Variants in ATAD5 observed in about 807,000 individuals in gnomAD.
ATAD5 encodes ATPase family AAA domain containing 5.
In ATAD5, 58 loss-of-function variants were observed where a neutral mutation model predicts 176.9. That is an observed-to-expected ratio of 0.33 (90% confidence interval 0.27 to 0.41). ATAD5 has a LOEUF of 0.41. ATAD5 is among the 10% of genes least tolerant of loss of function. The pLI is 1.00. For synonymous variants in ATAD5, 640 were observed against 712.6 expected, an observed-to-expected ratio of 0.90 and a Z score of 1.62; for missense variants, 1,789 against 2,094.1, an observed-to-expected ratio of 0.85 and a Z score of 2.84.
At chr17:30,854,265 A>G (rs1907157082) in intron 6 of ATAD5, among the ~76,000 whole-genome samples, 1 of 147,376 alleles carries the variant, frequency 6.8e-6, no homozygotes, top group African/African-American at 2.5e-5. Flanking sequence ...ATATTTAAGC[A>G]TTTTATATTA....
At position 30,893,990 on chromosome 17, in the gene ATAD5, G is replaced by A. The variant is rs1909778149; in HGVS notation, c.5137G>A (p.Glu1713Lys). The change falls in exon 21 of 23, where the codon GAA becomes AAA. Residue 1713 changes from glutamate (E) to lysine (K), a missense_variant. Transcript: ENST00000321990. ...QSSGELKAAA[E>K]ALSFTKCSSA... Reference sequence around the variant, plus strand: ...CTCTGGAGAATTAAAGGCAGCTGCAGAAGCTCTCAGCTTTACTAAATGTTC... The same window carrying A: ...CTCTGGAGAATTAAAGGCAGCTGCAAAAGCTCTCAGCTTTACTAAATGTTC... 6.2e-7 allele frequency: 1 copy of A among 1,613,870 alleles called. No homozygotes were observed. Among genetic ancestry groups the A allele is most frequent in the African/African-American group, 1.3e-5 (1 of 74,940 alleles).
At chr17:30,861,718 T>C (rs899583382) in intron 10 of ATAD5, 4 of 151,686 alleles carry the variant, frequency 2.6e-5, no homozygotes, top group African/African-American at 9.7e-5. Flanking sequence ...CACTGTGTGG[T>C]CCGGGCAGGT....
At chr17:30,892,909 T>A (rs987766327) in intron 20 of ATAD5, 121 bp downstream of exon 20, 18 of 864,344 alleles carry the variant, frequency 2.1e-5, no homozygotes, top group African/African-American at 1.7e-5. Context: ...GTATAAGCCT[T>A]AGGTCTCTGA....
intron 17 of ATAD5, among the ~76,000 whole-genome samples, chr17:30,878,718 G>GGTTTTTTTT (rs1908812554): frequency 1.8e-5 from 1 of 56,838 alleles, no homozygotes; most frequent in African/African-American, 6.6e-5. Flanking sequence ...GTTAGGTGGT[G>GGTTTTTTTT]TTTTTTTTTT....
rs779313103 is a variant in ATAD5 at position 30,887,249 on chromosome 17, G to A, written c.4135G>A (p.Val1379Ile). 5 of 1,606,878 alleles carry A rather than the reference G, an allele frequency of 3.1e-6. No individual in the cohort carries two copies. The Admixed American group carries it at 8.6e-5, about 28-fold the overall frequency. Residue 1379 changes from valine to isoleucine, a missense_variant, in exon 19 of 23, where the codon GTA (valine) becomes ATA (isoleucine). Around this residue, in one of 6 missense-constraint regions of ATAD5, gnomAD observed 194 missense variants for 270.1 expected, o/e 0.72. Coordinates refer to ENST00000321990, the MANE Select transcript of ATAD5 (RefSeq NM_024857.5). Reference protein sequence around the residue: ...ICLTENFRTDVKDFVTLLTAN... With the variant: ...ICLTENFRTDIKDFVTLLTAN... The stretch of plus-strand genomic sequence containing the variant: ...CTTAACTGAGAATTTTAGAACTGAT[G>A]TAAAAGACTTTGTAACCTTGTTAAC...
At chr17:30,843,266 G>A (rs1597956350) in intron 4 of ATAD5, among the ~76,000 whole-genome samples, 1 of 151,852 alleles carries the variant, frequency 6.6e-6, no homozygotes, top group Non-Finnish European at 1.5e-5. Context: ...GTGGGAGGAT[G>A]GCTTGAGGTC....
chr17:30,869,183 G>A (rs1908193416), intron 12 of ATAD5, 65 bp from the exon 13 acceptor site: 1 of 1,527,046 alleles, frequency 6.5e-7, no homozygotes, highest in African/African-American at 1.4e-5. Flanking sequence ...TGATCACTGG[G>A]TTTCATAAGG....
At chr17:30,855,348 T>C (rs745736158) in intron 7 of ATAD5, 21 bp downstream of exon 7, 2 of 1,564,280 alleles carry the variant, frequency 1.3e-6, no homozygotes, top group Non-Finnish European at 1.7e-6. Flanking sequence ...TTTTTATTAT[T>C]GAATATTTAC....
chr17:30,876,481 A>G lies in ATAD5; in HGVS notation c.3715A>G (p.Asn1239Asp). The G allele has an allele frequency of 6.2e-7, 1 of 1,606,980 alleles. No individual in the cohort carries two copies. The highest frequency in any genetic ancestry group is 8.5e-7 in the Non-Finnish European group (1 of 1,174,560). ...KRALPPKTLA[N>D]YFKVSPKPKN... ...AGCACTTCCTCCCAAAACCTTGGCA[A>G]ATTATTTTAAAGTATCTCCCAAACC... Residue 1239 changes from asparagine (N) to aspartate (D), a missense_variant, in exon 15 of 23, where the codon AAT becomes GAT. Asn to Asp is a conservative substitution (Grantham distance 23). This residue lies in a region of ATAD5 where 194 missense variants were observed against 270.1 expected (regional missense o/e 0.72). Transcript: ENST00000321990.
At chr17:30,865,476 C>CT (rs1461910806) in intron 10 of ATAD5, among the ~76,000 whole-genome samples, 1 of 151,914 alleles carries the variant, frequency 6.6e-6, no homozygotes. Context: ...CTGGCTAACA[C>CT]TTTAATATTT....
At chr17:30,859,457 T>C (rs1907483253) in intron 9 of ATAD5, among the ~76,000 whole-genome samples, 1 of 152,108 alleles carries the variant, frequency 6.6e-6, no homozygotes, top group Admixed American at 6.6e-5. Context: ...CCTCCCAGAT[T>C]TGAGTGATTC....
chr17:30,893,889 G>A lies in ATAD5; in HGVS notation c.5036G>A (p.Trp1679Ter). The change falls in exon 21 of 23, where the codon TGG becomes TAG. Residue 1679 changes from tryptophan to a stop codon, truncating the protein, a stop_gained. Transcript: ENST00000321990. LOFTEE classifies it high-confidence loss of function. ...QNKYGRNDFS[W>*]TNGKVTSGLC... ...AAATACGGTAGAAATGACTTTAGTTGGACAAATGGAAAGGTTACAAGTGGA... is the reference window on the plus strand; with the variant it reads ...AAATACGGTAGAAATGACTTTAGTTAGACAAATGGAAAGGTTACAAGTGGA... 3 of 1,613,960 alleles carry A rather than the reference G, an allele frequency of 1.9e-6. No individual in the cohort carries two copies. The highest frequency in any genetic ancestry group is 2.5e-6 in the Non-Finnish European group (3 of 1,179,914).
At chr17:30,851,709 A>G (rs912731629) in intron 6 of ATAD5, among the ~76,000 whole-genome samples, 1 of 152,002 alleles carries the variant, frequency 6.6e-6, no homozygotes, top group Non-Finnish European at 1.5e-5. Context: ...TAGCCTCCCA[A>G]GTAGCTGGGA....
intron 6 of ATAD5, among the ~76,000 whole-genome samples, chr17:30,849,463 A>G (rs11080135): frequency 0.1 from 15,969 of 152,186 alleles, 951 homozygotes; most frequent in South Asian, 0.24. Flanking sequence ...TTGTGTGGAT[A>G]TACATCTTCA....
intron 4 of ATAD5, among the ~76,000 whole-genome samples, chr17:30,843,451 A>T (rs1906257348): frequency 6.6e-6 from 1 of 151,998 alleles, no homozygotes; most frequent in African/African-American, 2.4e-5. Flanking sequence ...GGAGTTCGAG[A>T]CCAGCCTGGC....
intron 19 of ATAD5, 80 bp downstream of exon 19, chr17:30,887,452 C>T (rs897499617): frequency 3.8e-5 from 47 of 1,224,190 alleles, no homozygotes; most frequent in African/African-American, 1.2e-4. Flanking sequence ...TGCAGTGGCT[C>T]ATGCCTGTAA....
Position 30,860,368 on chromosome 17 carries a change from T to C in ATAD5, c.2957-65T>C, listed in dbSNP as rs544818664. 23 of 1,506,884 alleles carry C rather than the reference T, an allele frequency of 1.5e-5. 1 individual carries two copies. The South Asian group carries it at 2.6e-4, about 17-fold the overall frequency. The allele number at this position is 1,506,884 out of a possible 1,614,324, so 93.3% of individuals were successfully genotyped here. On this transcript the variant is annotated intron_variant, in intron 9 of 22. Transcript: ENST00000321990. ...TACAAGACTATTGGATACTTGGAAG[T>C]GATATTAATATTACTGGTTTTTGTT...
intron 19 of ATAD5, among the ~76,000 whole-genome samples, chr17:30,892,190 C>T (rs540923765): frequency 5.4e-4 from 81 of 151,288 alleles, no homozygotes; most frequent in African/African-American, 1.9e-3. Context: ...TTTGGGAGGT[C>T]GAGGGGGGTG....
intron 6 of ATAD5, among the ~76,000 whole-genome samples, chr17:30,849,162 T>C (rs1338029321): frequency 6.6e-6 from 1 of 152,226 alleles, no homozygotes; most frequent in East Asian, 1.9e-4. Context: ...TGAGCCACCG[T>C]GCCTGGCTAT....
Sources: allele counts gnomAD v4.1 joint callset (sites outside exome capture counted in the v4.1 genomes callset), GRCh38; gene constraint gnomAD v4.1.1; regional missense constraint gnomAD v4.1.1; transcripts MANE v1.5; gene names NCBI Gene and HGNC (gene_info 2026-07-23, HGNC 2026-07-21).